Variants in CAMTA1 observed in about 807,000 individuals in gnomAD.
The protein encoded by CAMTA1 is calmodulin-binding transcription activator 1.
A neutral mutation model predicts 170.9 loss-of-function variants in CAMTA1; 27 were observed. That is an observed-to-expected ratio of 0.16 (90% CI 0.12 to 0.22). CAMTA1 has a LOEUF of 0.22. Among genes scored for constraint, CAMTA1 ranks in the 10% least tolerant of loss-of-function variants. CAMTA1 has a pLI of 1.00. For missense variants in CAMTA1, 1,619 were observed against 2,217.2 expected, an observed-to-expected ratio of 0.73 and a Z score of 5.42; for synonymous variants, 833 against 891.5, an observed-to-expected ratio of 0.93 and a Z score of 1.17.
chr1:7,495,505 C>A (rs568219192), intron 6 of CAMTA1, among the ~76,000 whole-genome samples: 1 of 152,190 alleles, frequency 6.6e-6, no homozygotes, highest in Non-Finnish European at 1.5e-5. Flanking sequence ...GGCATCTACC[C>A]GGCTTGGGCA....
chr1:7,258,203 A>G (rs1223443851), intron 5 of CAMTA1, among the ~76,000 whole-genome samples: 1 of 152,216 alleles, frequency 6.6e-6, no homozygotes, highest in Non-Finnish European at 1.5e-5. Flanking sequence ...AGGAATATGT[A>G]GCAGGAAGTG....
At chr1:7,357,669 G>T (rs1361166057) in intron 5 of CAMTA1, among the ~76,000 whole-genome samples, 1 of 128,196 alleles carries the variant, frequency 7.8e-6, no homozygotes, top group Non-Finnish European at 1.6e-5. Context: ...AAGAGTTTCT[G>T]GTTTGCTTGC....
intron 5 of CAMTA1, among the ~76,000 whole-genome samples, chr1:7,284,204 A>C (rs1446735366): frequency 1.1e-3 from 153 of 141,926 alleles, no homozygotes; most frequent in African/African-American, 3.7e-3. Flanking sequence ...TATTATTATT[A>C]TTATTATTAT....
chr1:7,616,801 G>T (rs1297021356), intron 6 of CAMTA1, among the ~76,000 whole-genome samples: 1 of 152,218 alleles, frequency 6.6e-6, no homozygotes, highest in Non-Finnish European at 1.5e-5. Flanking sequence ...GAGCGCAGAA[G>T]CTGGAGGAAC....
chr1:6,987,072 A>T (rs764132586), intron 3 of CAMTA1, among the ~76,000 whole-genome samples: 20 of 151,944 alleles, frequency 1.3e-4, no homozygotes, highest in Non-Finnish European at 2.1e-4. Flanking sequence ...AACAAGATTG[A>T]AATTGAACCC....
At chr1:7,531,841 T>G (rs763816737) in intron 6 of CAMTA1, among the ~76,000 whole-genome samples, 6 of 152,242 alleles carry the variant, frequency 3.9e-5, no homozygotes, top group Non-Finnish European at 8.8e-5. Context: ...CAGGTTGCCC[T>G]GTGAGCTGGT....
chr1:7,737,397 G>T lies in CAMTA1; in HGVS notation c.3485G>T (p.Cys1162Phe). ...CGGGGTCATGTGAAATTAGCAGAGT[G>T]TCTGGAGCACCTGCAGAGAGATGAG... ...RSRGHVKLAECLEHLQRDEQA... is the reference protein window; with the variant it reads ...RSRGHVKLAEFLEHLQRDEQA... Residue 1162 changes from cysteine to phenylalanine, a missense_variant, in exon 15 of 23, where the codon TGT becomes TTT. By Grantham distance (205) the Cys-to-Phe change is radical (BLOSUM62 -2). Coordinates refer to ENST00000303635, the MANE Select transcript of CAMTA1 (RefSeq NM_015215.4). 2 of 1,614,250 alleles carry T rather than the reference G, an allele frequency of 1.2e-6. No homozygotes were observed. The highest frequency in any genetic ancestry group is 1.3e-5 in the African/African-American group (1 of 75,062).
At chr1:6,946,306 C>G (rs1687573365) in intron 3 of CAMTA1, among the ~76,000 whole-genome samples, 1 of 152,072 alleles carries the variant, frequency 6.6e-6, no homozygotes. Context: ...ATCCTCCTCC[C>G]TAAGCCTCCT....
intron 5 of CAMTA1, among the ~76,000 whole-genome samples, chr1:7,346,654 C>T (rs1016500145): frequency 5.9e-5 from 9 of 152,116 alleles, no homozygotes; most frequent in East Asian, 1.9e-4. Flanking sequence ...GTTAAGTTTG[C>T]GCCTCCAGAA....
intron 5 of CAMTA1, among the ~76,000 whole-genome samples, chr1:7,423,499 A>G (rs2091702846): frequency 1.3e-5 from 2 of 149,424 alleles, no homozygotes; most frequent in South Asian, 2.1e-4. Flanking sequence ...AAGAACCAGC[A>G]CACAGATAAT....
chr1:7,052,001 A>G (rs1424137998), intron 3 of CAMTA1, among the ~76,000 whole-genome samples: 1 of 140,556 alleles, frequency 7.1e-6, no homozygotes, highest in African/African-American at 2.7e-5. Flanking sequence ...CCGTGGGGAC[A>G]CTGCTGCCCT....
At chr1:6,877,639 C>T (rs185134614) in intron 3 of CAMTA1, among the ~76,000 whole-genome samples, 137 of 152,244 alleles carry the variant, frequency 9.0e-4, no homozygotes, top group African/African-American at 3.0e-3. Flanking sequence ...TTCCACTTTC[C>T]GCACACATCT....
At chr1:7,622,175 C>T (rs1305632042) in intron 6 of CAMTA1, among the ~76,000 whole-genome samples, 2 of 152,218 alleles carry the variant, frequency 1.3e-5, no homozygotes, top group Admixed American at 1.3e-4. Context: ...TGGCTGGGAA[C>T]TTGTTGGGTG....
intron 3 of CAMTA1, among the ~76,000 whole-genome samples, chr1:6,995,066 C>G (rs768824185): frequency 6.6e-6 from 1 of 151,988 alleles, no homozygotes; most frequent in Non-Finnish European, 1.5e-5. Flanking sequence ...TTCTCATTGT[C>G]TTCTTCTGGG....
chr1:6,937,820 T>TGTCATC (rs1451989780), intron 3 of CAMTA1, among the ~76,000 whole-genome samples: 100 of 149,720 alleles, frequency 6.7e-4, no homozygotes, highest in African/African-American at 2.3e-3. Context: ...CTGTCATCAC[T>TGTCATC]ACCATAACCA....
At chr1:7,454,629 T>A (rs2092908504) in intron 5 of CAMTA1, among the ~76,000 whole-genome samples, 1 of 152,028 alleles carries the variant, frequency 6.6e-6, no homozygotes, top group Non-Finnish European at 1.5e-5. Flanking sequence ...ACCGAGTGAG[T>A]TTCTCTGCCT....
intron 5 of CAMTA1, among the ~76,000 whole-genome samples, chr1:7,342,814 G>C (rs979919606): frequency 1.3e-5 from 2 of 152,198 alleles, no homozygotes; most frequent in Non-Finnish European, 2.9e-5. Context: ...GCACTCCCAG[G>C]TCTGGCTGGC....
chr1:6,865,005 A>C (rs368563327), intron 3 of CAMTA1, among the ~76,000 whole-genome samples: 1 of 152,138 alleles, frequency 6.6e-6, no homozygotes, highest in Non-Finnish European at 1.5e-5. Flanking sequence ...GGGTCTCACT[A>C]TGTGGCCCAG....
At chr1:7,468,173 C>T (rs1557764649) in intron 6 of CAMTA1, among the ~76,000 whole-genome samples, 3 of 152,188 alleles carry the variant, frequency 2.0e-5, no homozygotes, top group Admixed American at 6.5e-5. Flanking sequence ...GCTTCCAAGG[C>T]GCCTCAGTTT....
Sources: allele counts gnomAD v4.1 joint callset (sites outside exome capture counted in the v4.1 genomes callset), GRCh38; gene constraint gnomAD v4.1.1; transcripts MANE v1.5; gene names NCBI Gene and HGNC (gene_info 2026-07-23, HGNC 2026-07-21).